The following LINGO2 variants were observed in gnomAD, a reference collection of about 807,000 sequenced individuals.
The protein encoded by LINGO2 is leucine-rich repeat and immunoglobulin-like domain-containing nogo receptor-interacting protein 2.
LINGO2 carries 14 observed loss-of-function variants against 30.6 expected under a neutral mutation model. That is an observed-to-expected ratio of 0.46 (90% CI 0.30 to 0.72). The LOEUF (loss-of-function observed/expected upper bound fraction) is 0.72. Among genes scored for constraint, LINGO2 ranks in the 30% least tolerant of loss-of-function variants. The pLI is 0.07. For missense variants in LINGO2, 729 were observed against 751.7 expected, an observed-to-expected ratio of 0.97 and a Z score of 0.35; for synonymous variants, 317 against 288.5, an observed-to-expected ratio of 1.10 and a Z score of -1.00.
the LINGO2 span, among the ~76,000 whole-genome samples, chr9:29,184,089 T>C: frequency 6.6e-6 from 1 of 152,162 alleles, no homozygotes; most frequent in Non-Finnish European, 1.5e-5. Context: ...ATAGAGAAAG[T>C]AATTGGACAA....
intron 4 of LINGO2, among the ~76,000 whole-genome samples, chr9:28,049,039 C>G (rs1044901147): frequency 1.3e-5 from 2 of 150,918 alleles, no homozygotes; most frequent in Admixed American, 6.6e-5. Flanking sequence ...AGTTTTCTTT[C>G]CAGTATAAAT....
At chr9:28,772,275 C>G in the LINGO2 span, among the ~76,000 whole-genome samples, 1 of 152,206 alleles carries the variant, frequency 6.6e-6, no homozygotes, top group African/African-American at 2.4e-5. Context: ...AAAATCCAGT[C>G]AGACCGCGGT....
chr9:29,074,128 G>A, the LINGO2 span, among the ~76,000 whole-genome samples: 1 of 152,004 alleles, frequency 6.6e-6, no homozygotes, highest in Admixed American at 6.6e-5. Flanking sequence ...TATTATCCAA[G>A]TAGCCTTATA....
chr9:28,771,350 A>G, the LINGO2 span, among the ~76,000 whole-genome samples: 1 of 151,814 alleles, frequency 6.6e-6, no homozygotes, highest in African/African-American at 2.4e-5. Flanking sequence ...TTTCCTCTAG[A>G]ATTTACTATT....
the LINGO2 span, among the ~76,000 whole-genome samples, chr9:29,088,487 C>T: frequency 6.6e-6 from 1 of 152,094 alleles, no homozygotes; most frequent in Admixed American, 6.6e-5. Flanking sequence ...GCTGCACTGG[C>T]CTCTTAAGTG....
intron 3 of LINGO2, among the ~76,000 whole-genome samples, chr9:28,336,834 A>C (rs527713474): frequency 6.6e-6 from 1 of 152,136 alleles, no homozygotes; most frequent in East Asian, 1.9e-4. Context: ...GCAGATTTAA[A>C]ATATTTTGCT....
chr9:28,341,653 A>G (rs1825768958), intron 3 of LINGO2, among the ~76,000 whole-genome samples: 1 of 152,170 alleles, frequency 6.6e-6, no homozygotes, highest in Admixed American at 6.6e-5. Flanking sequence ...AAGCTTATGA[A>G]ACTTTACCTA....
the LINGO2 span, among the ~76,000 whole-genome samples, chr9:28,861,018 A>G: frequency 7.8e-6 from 1 of 128,830 alleles, no homozygotes; most frequent in African/African-American, 2.9e-5. Flanking sequence ...ATAATATAAT[A>G]TATTATATAA....
At chr9:28,266,910 T>C (rs986961850) in intron 4 of LINGO2, among the ~76,000 whole-genome samples, 1 of 152,018 alleles carries the variant, frequency 6.6e-6, no homozygotes, top group Non-Finnish European at 1.5e-5. Context: ...CGTGGACATC[T>C]GAACATAATA....
intron 5 of LINGO2, among the ~76,000 whole-genome samples, chr9:27,979,733 TC>T (rs1820766478): frequency 6.6e-6 from 1 of 151,936 alleles, no homozygotes; most frequent in Admixed American, 6.6e-5. Flanking sequence ...TCCACTGGGA[TC>T]CTTTGATATC....
At chr9:28,944,407 T>C in the LINGO2 span, among the ~76,000 whole-genome samples, 1 of 152,244 alleles carries the variant, frequency 6.6e-6, no homozygotes, top group Middle Eastern at 3.4e-3. Flanking sequence ...TTTTGGGTTT[T>C]TGTTTGTTTG....
chr9:28,784,225 T>C, the LINGO2 span, among the ~76,000 whole-genome samples: 1 of 152,230 alleles, frequency 6.6e-6, no homozygotes, highest in Non-Finnish European at 1.5e-5. Flanking sequence ...ATTTTGTTAA[T>C]TCATACAAAT....
At chr9:28,593,180 C>T (rs1260509480) in intron 1 of LINGO2, among the ~76,000 whole-genome samples, 2 of 152,024 alleles carry the variant, frequency 1.3e-5, no homozygotes, top group Non-Finnish European at 2.9e-5. Context: ...ATTAGATGCT[C>T]TTATATTTCC....
intron 1 of LINGO2, among the ~76,000 whole-genome samples, chr9:28,535,702 G>GCACA (rs147738543): frequency 6.8e-6 from 1 of 147,794 alleles, no homozygotes; most frequent in Non-Finnish European, 1.5e-5. Context: ...GTACGTGCAT[G>GCACA]CACACACACA....
chr9:29,069,872 A>T, the LINGO2 span, among the ~76,000 whole-genome samples: 1 of 152,086 alleles, frequency 6.6e-6, no homozygotes, highest in African/African-American at 2.4e-5. Context: ...ATCAATGAAC[A>T]TCAAAATACT....
At chr9:29,060,252 C>G in the LINGO2 span, among the ~76,000 whole-genome samples, 1 of 151,930 alleles carries the variant, frequency 6.6e-6, no homozygotes, top group African/African-American at 2.4e-5. Flanking sequence ...CACTACAGAC[C>G]AGAGAATATG....
At chr9:28,990,900 C>A in the LINGO2 span, among the ~76,000 whole-genome samples, 1 of 152,124 alleles carries the variant, frequency 6.6e-6, no homozygotes, top group East Asian at 1.9e-4. Flanking sequence ...GTAGATAAAA[C>A]CACAAAGATG....
chr9:28,901,316 A>C, the LINGO2 span, among the ~76,000 whole-genome samples: 1 of 152,176 alleles, frequency 6.6e-6, no homozygotes, highest in African/African-American at 2.4e-5. Context: ...AAATACTCAA[A>C]GTAGTTCTTT....
the LINGO2 span, among the ~76,000 whole-genome samples, chr9:28,883,258 G>C: frequency 0.85 from 129,369 of 151,878 alleles, 55,275 homozygotes; most frequent in Non-Finnish European, 0.89. Context: ...GTAGGGGTGT[G>C]ATCTCAGCTC....
Sources: allele counts gnomAD v4.1 joint callset (sites outside exome capture counted in the v4.1 genomes callset), GRCh38; gene constraint gnomAD v4.1.1; transcripts MANE v1.5; gene names NCBI Gene and HGNC (gene_info 2026-07-23, HGNC 2026-07-21).